The following GRHL2 variants were observed in gnomAD, a reference collection of about 807,000 sequenced individuals.
GRHL2 encodes the protein grainyhead like transcription factor 2, also known as grainyhead-like protein 2 homolog.
In GRHL2, 21 loss-of-function variants were observed where a neutral mutation model predicts 83.8. That is an observed-to-expected ratio of 0.25 (90% CI 0.18 to 0.36). The LOEUF (loss-of-function observed/expected upper bound fraction) is 0.36, where lower values mean the gene tolerates loss of function less well. GRHL2 is among the 10% of genes least tolerant of loss of function. The pLI, the probability that GRHL2 is intolerant of heterozygous loss-of-function variation, is 1.00. For synonymous variants in GRHL2, 280 were observed against 278.9 expected, an observed-to-expected ratio of 1.00 and a Z score of -0.04; for missense variants, 623 against 781.8, an observed-to-expected ratio of 0.80 and a Z score of 2.42.
At chr8:101,517,938 G>C (rs767987634) in intron 1 of GRHL2, among the ~76,000 whole-genome samples, 7 of 152,058 alleles carry the variant, frequency 4.6e-5, no homozygotes, top group Non-Finnish European at 8.8e-5. Flanking sequence ...AGGCAACTCG[G>C]GCTCACCAGC....
intron 7 of GRHL2, among the ~76,000 whole-genome samples, chr8:101,583,247 G>A (rs1195361495): frequency 1.3e-5 from 2 of 152,204 alleles, no homozygotes; most frequent in African/African-American, 4.8e-5. Context: ...TGGGATGGAT[G>A]CAGTGAGGGA....
intron 6 of GRHL2, among the ~76,000 whole-genome samples, chr8:101,577,091 G>T (rs141410225): frequency 2.0e-5 from 3 of 152,026 alleles, no homozygotes; most frequent in African/African-American, 7.2e-5. Flanking sequence ...AATTTGGGGG[G>T]GGTTTCTGCT....
intron 1 of GRHL2, among the ~76,000 whole-genome samples, chr8:101,502,225 A>G (rs2129974021): frequency 6.6e-6 from 1 of 152,368 alleles, no homozygotes; most frequent in Non-Finnish European, 1.5e-5. Context: ...GAATTGAACT[A>G]AATGATCTCC....
intron 1 of GRHL2, among the ~76,000 whole-genome samples, chr8:101,501,984 C>T (rs765251367): frequency 4.0e-5 from 6 of 151,620 alleles, no homozygotes; most frequent in Admixed American, 3.3e-4. Flanking sequence ...ATTCTGATAC[C>T]ATTACTGGGG....
intron 1 of GRHL2, among the ~76,000 whole-genome samples, chr8:101,517,387 G>A (rs1437168173): frequency 6.6e-6 from 1 of 152,142 alleles, no homozygotes; most frequent in African/African-American, 2.4e-5. Context: ...TAACCCCTCT[G>A]GATGGACCAG....
At chr8:101,608,515 T>G (rs1393389144) in intron 8 of GRHL2, among the ~76,000 whole-genome samples, 1 of 152,154 alleles carries the variant, frequency 6.6e-6, no homozygotes, top group Non-Finnish European at 1.5e-5. Flanking sequence ...TGTAAATAAT[T>G]GTAATACAAG....
At chr8:101,512,263 A>G (rs1183689698) in intron 1 of GRHL2, among the ~76,000 whole-genome samples, 2 of 152,152 alleles carry the variant, frequency 1.3e-5, no homozygotes, top group Non-Finnish European at 2.9e-5. Context: ...ACTTTAGTAT[A>G]GAGTTGATAT....
intron 4 of GRHL2, 62 bp downstream of exon 4, chr8:101,558,874 C>A: frequency 1.3e-6 from 2 of 1,552,466 alleles, no homozygotes; most frequent in South Asian, 1.2e-5. Context: ...TAATTTTTTT[C>A]TATTTCCTTT....
At chr8:101,555,691 G>A (rs1283628344) in intron 3 of GRHL2, among the ~76,000 whole-genome samples, 1 of 152,046 alleles carries the variant, frequency 6.6e-6, no homozygotes, top group Non-Finnish European at 1.5e-5. Context: ...ATTACTTAAG[G>A]CTAGAAAGTG....
At chr8:101,676,273 A>C in the GRHL2 span, among the ~76,000 whole-genome samples, 1 of 152,008 alleles carries the variant, frequency 6.6e-6, no homozygotes, top group Non-Finnish European at 1.5e-5. Flanking sequence ...GTGAACAGGC[A>C]ACCTACAGAA....
chr8:101,509,209 T>TTG (rs59898617), intron 1 of GRHL2, among the ~76,000 whole-genome samples: 1,169 of 53,396 alleles, frequency 0.022, 35 homozygotes, highest in Non-Finnish European at 0.026. Context: ...TTCTTTCTTC[T>TTG]TGTGTGTGTG....
At position 101,618,206 on chromosome 8, in the gene GRHL2, G is replaced by C. The variant is rs115654238; in HGVS notation, c.1099-1333G>C. On this transcript the variant is annotated intron_variant, in intron 8 of 15. Transcript: ENST00000646743. ...CACTCTTAAATGGTATCAATGGACT[G>C]CCATCCACTATTTAAAATGAGGAGA... 9.9e-3 allele frequency among the ~76,000 whole-genome samples: 1,507 copies of C among 152,208 alleles called. 27 individuals are homozygous for C. Among genetic ancestry groups the C allele is most frequent in the African/African-American group, 0.034 (1,417 of 41,538 alleles).
downstream of GRHL2, among the ~76,000 whole-genome samples, chr8:101,672,422 G>A (rs986649506): frequency 6.6e-6 from 1 of 151,762 alleles, no homozygotes; most frequent in Non-Finnish European, 1.5e-5. Flanking sequence ...AGCCTCAGGA[G>A]CCAATGCAAT....
At chr8:101,519,410 ATT>A (rs5893567) in intron 1 of GRHL2, among the ~76,000 whole-genome samples, 3 of 151,856 alleles carry the variant, frequency 2.0e-5, no homozygotes, top group East Asian at 1.9e-4. Flanking sequence ...TATTACTTGA[ATT>A]TTTTTTTAAA....
intron 1 of GRHL2, among the ~76,000 whole-genome samples, chr8:101,525,385 T>C (rs1389487612): frequency 6.6e-6 from 1 of 152,200 alleles, no homozygotes; most frequent in Non-Finnish European, 1.5e-5. Flanking sequence ...TCTATTGATA[T>C]ATATCATATG....
intron 4 of GRHL2, among the ~76,000 whole-genome samples, chr8:101,561,265 A>G (rs1811603986): frequency 6.6e-6 from 1 of 152,180 alleles, no homozygotes; most frequent in African/African-American, 2.4e-5. Context: ...AAACCACATA[A>G]TAACTTTTAA....
At chr8:101,537,004 C>T (rs1443796206) in intron 1 of GRHL2, among the ~76,000 whole-genome samples, 2 of 151,906 alleles carry the variant, frequency 1.3e-5, no homozygotes, top group African/African-American at 4.8e-5. Flanking sequence ...CATTTGGCTC[C>T]CACTTATAAG....
intron 14 of GRHL2, among the ~76,000 whole-genome samples, chr8:101,659,756 C>T (rs796843561): frequency 6.6e-6 from 1 of 152,196 alleles, no homozygotes; most frequent in African/African-American, 2.4e-5. Context: ...TTCAAAACGG[C>T]GTTTTGGGGG....
intron 4 of GRHL2, 31 bp downstream of exon 4, chr8:101,558,843 C>T (rs755019071): frequency 2.5e-6 from 4 of 1,611,350 alleles, no homozygotes; most frequent in Non-Finnish European, 2.5e-6. Flanking sequence ...ACGGCCAGAA[C>T]CCAAACCCAG....
Sources: allele counts gnomAD v4.1 joint callset (sites outside exome capture counted in the v4.1 genomes callset), GRCh38; gene constraint gnomAD v4.1.1; transcripts MANE v1.5; gene names NCBI Gene and HGNC (gene_info 2026-07-23, HGNC 2026-07-21).